SLC8A1: variants seen among roughly 807,000 people sequenced by gnomAD.
The protein encoded by SLC8A1 is sodium/calcium exchanger 1.
In SLC8A1, 18 loss-of-function variants were observed where a neutral mutation model predicts 68.3. That is an observed-to-expected ratio of 0.26 (90% confidence interval 0.18 to 0.39). The LOEUF is 0.39. SLC8A1 is among the 10% of genes least tolerant of loss of function. The probability of loss-of-function intolerance (pLI) is 1.00; values close to 1 mark genes in which losing one functional copy is unlikely to be tolerated. For synonymous variants in SLC8A1, 475 were observed against 415.5 expected, an observed-to-expected ratio of 1.14 and a Z score of -1.74; for missense variants, 985 against 1,156.7, an observed-to-expected ratio of 0.85 and a Z score of 2.15.
chr2:40,327,851 A>T (rs539151776), intron 2 of SLC8A1, among the ~76,000 whole-genome samples: 1 of 152,294 alleles, frequency 6.6e-6, no homozygotes, highest in Admixed American at 6.5e-5. Context: ...CCTTAGCATC[A>T]TGCAATATAC....
At position 40,154,414 on chromosome 2, in the gene SLC8A1, C is replaced by G. The variant is rs376662290; in HGVS notation, c.2161+6351G>C. ...TGCCTCCCGGGTTCATGGCATTCTC[C>G]CGCCTCAGCTTCCCGAGTAGCTGGG... On this transcript the variant is annotated intron_variant, in intron 6 of 7. Transcript: ENST00000406785. 6.0e-5 allele frequency among the ~76,000 whole-genome samples: 9 copies of G among 149,956 alleles called. No individual in the cohort carries two copies. The East Asian group carries it at 1.4e-3, about 23-fold the overall frequency.
intron 2 of SLC8A1, among the ~76,000 whole-genome samples, chr2:40,252,633 C>T (rs368479136): frequency 9.0e-4 from 137 of 152,238 alleles, no homozygotes; most frequent in African/African-American, 3.1e-3. Context: ...TGAGCAATCA[C>T]GCCCGGCCAA....
intron 1 of SLC8A1, among the ~76,000 whole-genome samples, chr2:40,447,420 C>T (rs1176190339): frequency 6.6e-6 from 1 of 151,932 alleles, no homozygotes; most frequent in African/African-American, 2.4e-5. Flanking sequence ...CATCAACAGC[C>T]CCATTCCTGG....
intron 2 of SLC8A1, among the ~76,000 whole-genome samples, chr2:40,274,199 C>T (rs982147450): frequency 2.7e-5 from 4 of 148,726 alleles, no homozygotes; most frequent in African/African-American, 1.0e-4. Flanking sequence ...GTTTGTTCTC[C>T]ATGATCACAT....
intron 2 of SLC8A1, among the ~76,000 whole-genome samples, chr2:40,274,149 C>G (rs1305856979): frequency 6.7e-6 from 1 of 149,766 alleles, no homozygotes; most frequent in Non-Finnish European, 1.5e-5. Context: ...TGGAACAGCC[C>G]TTGTGGATGG....
rs60124541 is a variant in SLC8A1 at position 40,478,802 on chromosome 2, G to A, written c.-25+33547C>T. ...TTTTTTTTTTTTTAGACAGAGTTTCGCTCTTGTTGCCCAGGCTGGAGTGCA... is the reference window on the plus strand; with the variant it reads ...TTTTTTTTTTTTTAGACAGAGTTTCACTCTTGTTGCCCAGGCTGGAGTGCA... On this transcript the variant is annotated intron_variant, in intron 1 of 7. Coordinates refer to the SLC8A1 transcript ENST00000402441. 7.7e-3 allele frequency among the ~76,000 whole-genome samples: 1,113 copies of A among 144,842 alleles called. 17 individuals are homozygous for A. The highest frequency in any genetic ancestry group is 0.027 in the African/African-American group (1,047 of 39,118).
chr2:40,467,309 T>G (rs1400975553), intron 1 of SLC8A1, among the ~76,000 whole-genome samples: 1 of 152,158 alleles, frequency 6.6e-6, no homozygotes, highest in Admixed American at 6.6e-5. Flanking sequence ...AGCACTGATG[T>G]ATATGAACTC....
intron 2 of SLC8A1, among the ~76,000 whole-genome samples, chr2:40,265,044 A>G (rs1281297610): frequency 6.6e-6 from 1 of 152,194 alleles, no homozygotes; most frequent in Non-Finnish European, 1.5e-5. Context: ...AATGTAAATG[A>G]CAGAGGAATG....
At chr2:40,122,206 G>GCACA (rs1236450975) in intron 7 of SLC8A1, among the ~76,000 whole-genome samples, 4 of 124,466 alleles carry the variant, frequency 3.2e-5, no homozygotes, top group Non-Finnish European at 5.8e-5. Context: ...ATGCGCGCGC[G>GCACA]CACACACACA....
intron 2 of SLC8A1, among the ~76,000 whole-genome samples, chr2:40,256,019 G>A (rs2063855773): frequency 6.6e-6 from 1 of 152,154 alleles, no homozygotes; most frequent in African/African-American, 2.4e-5. Flanking sequence ...ACAGGCCCTG[G>A]GACTGTTCCT....
chr2:40,122,491 G>A (rs6704907), intron 7 of SLC8A1, among the ~76,000 whole-genome samples: 23,244 of 152,114 alleles, frequency 0.15, 2,186 homozygotes, highest in African/African-American at 0.25. Flanking sequence ...AAGTTCAAGA[G>A]GACCTATATT....
chr2:40,342,986 T>C (rs1668183020), intron 2 of SLC8A1, among the ~76,000 whole-genome samples: 1 of 152,142 alleles, frequency 6.6e-6, no homozygotes, highest in African/African-American at 2.4e-5. Context: ...CCAGTCATAA[T>C]CTGAAATTGT....
rs951819682 is a variant in SLC8A1, at chr2:40,450,678, C to G, written c.-25+1226G>C. The stretch of plus-strand genomic sequence containing the variant: ...TTTTTTTCTCTTTTTAGTCTTTACA[C>G]CTCCAGCAGGACAAAGTTTGTATTG... On this transcript the variant is annotated intron_variant, in intron 1 of 7. Transcript: ENST00000406785. Among the ~76,000 whole-genome samples, 3 of 152,128 alleles carry G rather than the reference C, an allele frequency of 2.0e-5. No individual in the cohort carries two copies. In the East Asian group the frequency reaches 5.8e-4, roughly 29 times the overall value.
chr2:40,402,757 T>C (rs1689127687), intron 2 of SLC8A1, among the ~76,000 whole-genome samples: 1 of 152,200 alleles, frequency 6.6e-6, no homozygotes, highest in African/African-American at 2.4e-5. Flanking sequence ...TTGTTTTCCA[T>C]CACAGGAAAG....
intron 2 of SLC8A1, among the ~76,000 whole-genome samples, chr2:40,399,847 G>T (rs1219347701): frequency 1.3e-5 from 2 of 152,012 alleles, no homozygotes; most frequent in African/African-American, 4.8e-5. Flanking sequence ...CCCAATTCCT[G>T]CCTCCAAAGA....
chr2:40,395,573 G>A (rs924486166), intron 2 of SLC8A1, among the ~76,000 whole-genome samples: 1 of 152,110 alleles, frequency 6.6e-6, no homozygotes, highest in Admixed American at 6.6e-5. Flanking sequence ...ATTTAAGTCA[G>A]AGCAAGACAG....
chr2:40,227,747 G>T (rs2059162379), intron 2 of SLC8A1, among the ~76,000 whole-genome samples: 1 of 152,002 alleles, frequency 6.6e-6, no homozygotes, highest in African/African-American at 2.4e-5. Context: ...GAGGTTCTTT[G>T]GAATTAGGGG....
At chr2:40,201,179 T>C (rs1415951830) in intron 2 of SLC8A1, among the ~76,000 whole-genome samples, 6 of 151,882 alleles carry the variant, frequency 4.0e-5, no homozygotes, top group Non-Finnish European at 2.9e-5. Flanking sequence ...TACTAGGTTA[T>C]GTAAGATAAA....
intron 2 of SLC8A1, among the ~76,000 whole-genome samples, chr2:40,353,480 A>C (rs1671736705): frequency 6.6e-6 from 1 of 151,928 alleles, no homozygotes. Flanking sequence ...AGCAATTTCC[A>C]CCTTAACCTC....
Sources: allele counts gnomAD v4.1 joint callset (sites outside exome capture counted in the v4.1 genomes callset), GRCh38; gene constraint gnomAD v4.1.1; transcripts MANE v1.5; gene names NCBI Gene and HGNC (gene_info 2026-07-23, HGNC 2026-07-21).